Variants in ZNF423 observed in about 807,000 individuals in gnomAD.
The protein encoded by ZNF423 is Ebf-associated zinc finger protein.
Under a neutral mutation model 95.8 loss-of-function variants are expected in ZNF423, and 12 were observed. That is an observed-to-expected ratio of 0.13 (90% CI 0.08 to 0.20). The LOEUF is 0.20. Ranked by LOEUF, ZNF423 falls within the 10% of genes least tolerant of loss-of-function variation. The pLI is 1.00. For synonymous variants in ZNF423, 749 were observed against 711.9 expected (o/e 1.05, Z -0.83); for missense variants, 1,316 against 1,737.1 (o/e 0.76, Z 4.31).
intron 1 of ZNF423, among the ~76,000 whole-genome samples, chr16:49,799,656 A>G (rs893833030): frequency 6.6e-6 from 1 of 152,166 alleles, no homozygotes; most frequent in Non-Finnish European, 1.5e-5. Context: ...CCCCAGTAAA[A>G]TCTATATCTT....
chr16:49,584,301 G>A (rs1970754963), intron 5 of ZNF423, among the ~76,000 whole-genome samples: 3 of 152,128 alleles, frequency 2.0e-5, no homozygotes, highest in Admixed American at 2.0e-4. Flanking sequence ...TCCCTTTTAG[G>A]AGCTGGGCCT....
chr16:49,746,591 C>T (rs1247506996), intron 2 of ZNF423, among the ~76,000 whole-genome samples: 1 of 152,176 alleles, frequency 6.6e-6, no homozygotes, highest in Admixed American at 6.5e-5. Flanking sequence ...GATTCTCCCG[C>T]CTCAGCATCC....
rs149129565 is a variant in ZNF423, at chr16:49,755,745, C to T, written c.101-24774G>A. On this transcript the variant is annotated intron_variant, in intron 2 of 7. Coordinates refer to ENST00000563137, the MANE Select transcript of ZNF423 (RefSeq NM_001379286.1). Reference sequence around the variant, plus strand: ...TAAAAAATAATAATAATTAGCCATTCTTAGAGTGGAGTTTTCTCCTATAAC... The same window carrying T: ...TAAAAAATAATAATAATTAGCCATTTTTAGAGTGGAGTTTTCTCCTATAAC... Among the ~76,000 whole-genome samples, 293 of 152,278 alleles carry T rather than the reference C, an allele frequency of 1.9e-3. 1 individual carries two copies. The highest frequency in any genetic ancestry group is 6.2e-3 in the African/African-American group (257 of 41,550).
chr16:49,680,613 C>T (rs76273127), intron 3 of ZNF423, among the ~76,000 whole-genome samples: 5,546 of 152,290 alleles, frequency 0.036, 160 homozygotes, highest in East Asian at 0.071. Flanking sequence ...CCCAGTACTC[C>T]CAGTGGAAGC....
chr16:49,771,657 C>T (rs1032435321), intron 2 of ZNF423, among the ~76,000 whole-genome samples: 32 of 152,218 alleles, frequency 2.1e-4, no homozygotes, highest in African/African-American at 7.2e-4. Flanking sequence ...GTGTGTCCCC[C>T]TTTGCTTGGC....
Position 49,572,111 on chromosome 16 carries a change from C to T in ZNF423, c.3602-46617G>A, listed in dbSNP as rs117790125. 5.0e-3 allele frequency among the ~76,000 whole-genome samples: 763 copies of T among 152,206 alleles called. 1 individual carries two copies. The highest frequency in any genetic ancestry group is 7.4e-3 in the Non-Finnish European group (506 of 68,018). The stretch of plus-strand genomic sequence containing the variant: ...CACATGTAACTAAGTCCTGAACTGC[C>T]GGGTTCAGAAACAGCACCTACTATG... On this transcript the variant is annotated intron_variant, in intron 5 of 7. Coordinates refer to ENST00000563137, the MANE Select transcript of ZNF423 (RefSeq NM_001379286.1).
At chr16:49,812,882 C>G (rs1425986066) in intron 1 of ZNF423, among the ~76,000 whole-genome samples, 2 of 152,124 alleles carry the variant, frequency 1.3e-5, no homozygotes, top group Non-Finnish European at 2.9e-5. Flanking sequence ...ACACAAGAAA[C>G]TAGGACCAGC....
chr16:49,672,424 G>A (rs1034595739), intron 3 of ZNF423, among the ~76,000 whole-genome samples: 1 of 152,074 alleles, frequency 6.6e-6, no homozygotes, highest in Non-Finnish European at 1.5e-5. Context: ...ATAGTCTGTG[G>A]GGCAGCAGGG....
chr16:49,844,586 T>C (rs1420616136), intron 1 of ZNF423, among the ~76,000 whole-genome samples: 1 of 152,198 alleles, frequency 6.6e-6, no homozygotes, highest in East Asian at 1.9e-4. Flanking sequence ...TCCCTCTCAG[T>C]TCACCCACTC....
chr16:49,717,903 C>A (rs547792084), intron 3 of ZNF423, among the ~76,000 whole-genome samples: 3 of 152,292 alleles, frequency 2.0e-5, no homozygotes, highest in Admixed American at 6.5e-5. Flanking sequence ...TTCTTCATTT[C>A]CACACCACTC....
intron 4 of ZNF423, among the ~76,000 whole-genome samples, chr16:49,634,763 C>T (rs193264006): frequency 1.3e-5 from 2 of 152,300 alleles, no homozygotes; most frequent in South Asian, 2.1e-4. Flanking sequence ...CTGTCTGACA[C>T]CCAAGGGCCA....
intron 5 of ZNF423, among the ~76,000 whole-genome samples, chr16:49,572,191 T>C (rs921622415): frequency 2.0e-5 from 3 of 152,058 alleles, no homozygotes; most frequent in Non-Finnish European, 4.4e-5. Flanking sequence ...TGCAGCTGCC[T>C]GAAATCTGCT....
intron 3 of ZNF423, among the ~76,000 whole-genome samples, chr16:49,673,822 AG>A (rs1275741986): frequency 7.2e-5 from 11 of 152,318 alleles, no homozygotes; most frequent in African/African-American, 2.6e-4. Context: ...GAAGAAACCC[AG>A]GGCCCTGCCT....
At chr16:49,527,793 C>T (rs1968670326) in intron 5 of ZNF423, among the ~76,000 whole-genome samples, 1 of 152,102 alleles carries the variant, frequency 6.6e-6, no homozygotes, top group Non-Finnish European at 1.5e-5. Flanking sequence ...GGATACAAAA[C>T]CTTTCCTATA....
At chr16:49,618,887 T>C (rs1250854066) in intron 5 of ZNF423, among the ~76,000 whole-genome samples, 1 of 152,238 alleles carries the variant, frequency 6.6e-6, no homozygotes, top group East Asian at 1.9e-4. Flanking sequence ...CTCTTAAATG[T>C]TTCTCCAGCC....
intron 3 of ZNF423, among the ~76,000 whole-genome samples, chr16:49,650,994 CTTAA>C (rs568042047): frequency 1.1e-3 from 160 of 151,744 alleles, no homozygotes; most frequent in African/African-American, 3.7e-3. Flanking sequence ...GTTGTTGTTC[CTTAA>C]TTCACAGTCA....
At chr16:49,851,825 C>G (rs547994648) in intron 1 of ZNF423, among the ~76,000 whole-genome samples, 1 of 152,098 alleles carries the variant, frequency 6.6e-6, no homozygotes, top group Non-Finnish European at 1.5e-5. Context: ...AATTACTAGA[C>G]GTAAAGGATG....
chr16:49,651,281 C>T (rs1202187661), intron 3 of ZNF423, among the ~76,000 whole-genome samples: 1 of 152,054 alleles, frequency 6.6e-6, no homozygotes, highest in Admixed American at 6.5e-5. Flanking sequence ...CTGCCTCAGC[C>T]TCCCAAAGCA....
intron 2 of ZNF423, among the ~76,000 whole-genome samples, chr16:49,779,219 G>A (rs2034169947): frequency 1.3e-5 from 2 of 151,956 alleles, no homozygotes; most frequent in South Asian, 4.2e-4. Context: ...AGTGAGCAGA[G>A]CATCAGGGAG....
Sources: gnomAD v4.1 joint callset for allele counts (sites outside exome capture counted in the v4.1 genomes callset) on GRCh38, gnomAD v4.1.1 for gene constraint, MANE v1.5 for transcripts, NCBI Gene and HGNC (gene_info 2026-07-23, HGNC 2026-07-21) for gene names.